Variants in ADCY8 observed in about 807,000 individuals in gnomAD.
The protein encoded by ADCY8 is adenylate cyclase type 8.
A neutral mutation model predicts 119.7 loss-of-function variants in ADCY8; 51 were observed. The ratio of observed to expected loss-of-function variants is 0.43; its 90% CI spans 0.34 to 0.54. The LOEUF (loss-of-function observed/expected upper bound fraction) is 0.54. Ranked by LOEUF, ADCY8 falls within the 20% of genes least tolerant of loss-of-function variation. ADCY8 has a pLI of 0.03. For missense variants in ADCY8, 1,383 were observed against 1,598.8 expected (o/e 0.87, Z 2.30); for synonymous variants, 665 against 651.0 (o/e 1.02, Z -0.33).
chr8:130,798,304 A>T (rs543888253), intron 15 of ADCY8, among the ~76,000 whole-genome samples: 1 of 152,184 alleles, frequency 6.6e-6, no homozygotes, highest in African/African-American at 2.4e-5. Flanking sequence ...CTGGATAGAG[A>T]TGGGGGTTAG....
At chr8:130,902,180 T>G (rs369157200) in intron 7 of ADCY8, among the ~76,000 whole-genome samples, 5 of 152,204 alleles carry the variant, frequency 3.3e-5, no homozygotes, top group African/African-American at 1.2e-4. Context: ...GAGAACTTTA[T>G]GCTGAGGTAT....
chr8:130,836,159 T>C (rs2130259682), intron 12 of ADCY8, 118 bp downstream of exon 12: 1 of 1,138,292 alleles, frequency 8.8e-7, no homozygotes, highest in South Asian at 1.6e-5. Context: ...ATTTGAGATA[T>C]AAGTCAATAT....
chr8:130,796,326 AT>A (rs1279888874), intron 15 of ADCY8, among the ~76,000 whole-genome samples: 1 of 152,170 alleles, frequency 6.6e-6, no homozygotes. Context: ...TGATCAGCCC[AT>A]TTGTGGAAGT....
chr8:130,833,688 TG>T (rs1289096602), intron 12 of ADCY8, among the ~76,000 whole-genome samples: 1 of 152,184 alleles, frequency 6.6e-6, no homozygotes, highest in Non-Finnish European at 1.5e-5. Context: ...TGTGGTATTT[TG>T]GTTATTGGCC....
intron 12 of ADCY8, 83 bp from the exon 13 acceptor site, chr8:130,821,503 T>A: frequency 9.7e-7 from 1 of 1,030,304 alleles, no homozygotes; most frequent in Admixed American, 2.0e-5. Context: ...AAAGGAGTGG[T>A]ATAAAAAGAA....
intron 2 of ADCY8, among the ~76,000 whole-genome samples, chr8:130,978,045 T>C (rs2130717960): frequency 6.6e-6 from 1 of 152,216 alleles, no homozygotes; most frequent in South Asian, 2.1e-4. Context: ...GGGAGAGCAG[T>C]GGAGAAGCTT....
chr8:131,012,259 T>C (rs1823331012), intron 1 of ADCY8, among the ~76,000 whole-genome samples: 1 of 152,124 alleles, frequency 6.6e-6, no homozygotes, highest in Admixed American at 6.5e-5. Flanking sequence ...GAGGAAGTCA[T>C]GGTGACCAGA....
intron 14 of ADCY8, among the ~76,000 whole-genome samples, chr8:130,808,611 C>T (rs1424353590): frequency 1.3e-5 from 2 of 152,130 alleles, no homozygotes; most frequent in African/African-American, 2.4e-5. Flanking sequence ...AGAACTAAAC[C>T]CACAGCACTG....
In ADCY8 at chr8:130,821,322, A is replaced by T. The variant is rs1231988349; in HGVS notation, c.2754+20T>A. ...AGAAATGTCAGGTAACAGAGCAGTC[A>T]GAGCGAAATGTTAGATTACCTGCTG... On this transcript the variant is annotated intron_variant, in intron 13 of 17. Transcript: ENST00000286355. 9 of 1,606,926 alleles carry T rather than the reference A, an allele frequency of 5.6e-6. No homozygotes were observed. Among genetic ancestry groups the T allele is most frequent in the Non-Finnish European group, 7.7e-6 (9 of 1,174,100 alleles).
intron 11 of ADCY8, among the ~76,000 whole-genome samples, chr8:130,841,932 C>A (rs1299898475): frequency 1.3e-5 from 2 of 152,170 alleles, no homozygotes; most frequent in African/African-American, 4.8e-5. Flanking sequence ...TGAGACCAGC[C>A]TAGACTCTGC....
At chr8:130,783,944 T>C in intron 16 of ADCY8, 139 bp from the exon 17 acceptor site, 1 of 621,550 alleles carries the variant, frequency 1.6e-6, no homozygotes, top group Non-Finnish European at 2.8e-6. Context: ...GGTGAGCCCC[T>C]CTACACTCAA....
rs766993707 is a variant in ADCY8 at position 130,937,134 on chromosome 8, G to C, written c.1420C>G (p.Pro474Ala). 3 of 1,613,824 alleles carry C rather than the reference G, an allele frequency of 1.9e-6. No individual in the cohort carries two copies. The highest frequency in any genetic ancestry group is 2.5e-6 in the Non-Finnish European group (3 of 1,179,832). Residue 474 changes from proline (P) to alanine (A), a missense_variant, in exon 5 of 18, where the codon CCC becomes GCC. Pro to Ala is a conservative substitution (Grantham distance 27). This residue lies in a region of ADCY8 where 928 missense variants were observed against 1,163.5 expected (regional missense o/e 0.80). Transcript: ENST00000286355. ...CAGCAGTGGGCATGGTCCTGGCGGG[G>C]CTCAGGAAGTCCAGACACGCAGTAG... ...CYYCVSGLPE[P>A]RQDHAHCCVE...
chr8:130,816,231 A>AG (rs1816336461), intron 13 of ADCY8, among the ~76,000 whole-genome samples: 1 of 152,184 alleles, frequency 6.6e-6, no homozygotes, highest in Non-Finnish European at 1.5e-5. Context: ...TTGTTGGCTG[A>AG]GTAAACTTTA....
At chr8:130,798,860 A>G (rs944969373) in intron 15 of ADCY8, among the ~76,000 whole-genome samples, 1 of 152,114 alleles carries the variant, frequency 6.6e-6, no homozygotes. Context: ...ACTTCCATTG[A>G]GAAATGAATG....
chr8:131,000,624 C>T (rs6470879), intron 1 of ADCY8, among the ~76,000 whole-genome samples: 103,922 of 151,830 alleles, frequency 0.68, 37,255 homozygotes, highest in African/African-American at 0.91. Context: ...TAATGAATGA[C>T]GCAAGTGGTA....
intron 6 of ADCY8, among the ~76,000 whole-genome samples, chr8:130,904,767 T>C (rs1003100185): frequency 2.0e-5 from 3 of 152,230 alleles, no homozygotes; most frequent in African/African-American, 7.2e-5. Context: ...GCTTCTTTTT[T>C]AGCAAAATAA....
At position 130,867,803 on chromosome 8, in the gene ADCY8, C is replaced by T. The variant is rs766885711; in HGVS notation, c.2210+43G>A. On this transcript the variant is annotated intron_variant, in intron 9 of 17. Transcript: ENST00000286355. ...CTGGCTGACTCCACATGAGGAATCTCACAAAGATATTTCACCAGATCAATT... is the reference window on the plus strand; with the variant it reads ...CTGGCTGACTCCACATGAGGAATCTTACAAAGATATTTCACCAGATCAATT... 2.1e-6 allele frequency: 3 copies of T among 1,429,506 alleles called. No homozygotes were observed. The African/African-American group carries it at 4.2e-5, about 20-fold the overall frequency. 88.6% of individuals were successfully genotyped at this position (1,429,506 alleles called of 1,614,324 possible). A position where few individuals can be genotyped will look rare whatever the true frequency, so the allele number is the denominator to read the frequency against.
In ADCY8 at chr8:131,005,502, C is replaced by A. The variant is rs573932501; in HGVS notation, c.961-14960G>T. Among the ~76,000 whole-genome samples the A allele has an allele frequency of 3.3e-5, 5 of 152,222 alleles. No homozygotes were observed. The South Asian group carries it at 1.0e-3, about 31-fold the overall frequency. On this transcript the variant is annotated intron_variant, in intron 1 of 17. Transcript: ENST00000286355. ...GATAACTTGGAGTTAACTGGACCAACTTTGCTGGCTATTCTCCTTTGGCCT... is the reference window on the plus strand; with the variant it reads ...GATAACTTGGAGTTAACTGGACCAAATTTGCTGGCTATTCTCCTTTGGCCT...
At chr8:130,812,101 C>T (rs1438644366) in intron 14 of ADCY8, among the ~76,000 whole-genome samples, 2 of 152,162 alleles carry the variant, frequency 1.3e-5, no homozygotes, top group Non-Finnish European at 2.9e-5. Context: ...CCACTGCCAC[C>T]ATCCTAGGCC....
Sources: allele counts gnomAD v4.1 joint callset (sites outside exome capture counted in the v4.1 genomes callset), GRCh38; gene constraint gnomAD v4.1.1; regional missense constraint gnomAD v4.1.1; transcripts MANE v1.5; gene names NCBI Gene and HGNC (gene_info 2026-07-23, HGNC 2026-07-21).